ADGRL4: variants seen among roughly 807,000 people sequenced by gnomAD.
The protein encoded by ADGRL4 is EGF, latrophilin and seven transmembrane domain containing 1.
ADGRL4 carries 90 observed loss-of-function variants against 74.8 expected under a neutral mutation model. That is an observed-to-expected ratio of 1.20 (90% CI 1.02 to 1.43). The LOEUF (loss-of-function observed/expected upper bound fraction) is 1.43. Among genes scored for constraint, ADGRL4 ranks in the 40% most tolerant of loss-of-function variants. ADGRL4 has a pLI of 0.00. For synonymous variants in ADGRL4, 311 were observed against 279.2 expected (o/e 1.11, Z -1.14); for missense variants, 881 against 814.3 (o/e 1.08, Z -1.00).
chr1:78,910,857 G>A (rs1455700745), intron 12 of ADGRL4, among the ~76,000 whole-genome samples: 1 of 151,676 alleles, frequency 6.6e-6, no homozygotes, highest in Non-Finnish European at 1.5e-5. Flanking sequence ...AATCAATGAG[G>A]TCACTGGTTC....
chr1:78,957,750 A>G (rs1484354197), intron 2 of ADGRL4, among the ~76,000 whole-genome samples: 1 of 152,356 alleles, frequency 6.6e-6, no homozygotes, highest in East Asian at 1.9e-4. Context: ...AATCTGGCTA[A>G]GATAATTGTT....
intron 2 of ADGRL4, among the ~76,000 whole-genome samples, chr1:78,987,470 A>T (rs1650521261): frequency 6.6e-6 from 1 of 151,798 alleles, no homozygotes; most frequent in South Asian, 2.1e-4. Flanking sequence ...CAGGATAAAA[A>T]AATTACCACC....
rs557025634 is a variant in ADGRL4 at position 79,005,911 on chromosome 1, A to G, written c.23-692T>C. Reference sequence around the variant, plus strand: ...CAAAGATTGATCTTCCAGAAATGGAACAGCACACAAATGTGAACAAAAAAA... The same window carrying G: ...CAAAGATTGATCTTCCAGAAATGGAGCAGCACACAAATGTGAACAAAAAAA... On this transcript the variant is annotated intron_variant, in intron 1 of 14. Transcript: ENST00000370742. 5.3e-5 allele frequency among the ~76,000 whole-genome samples: 8 copies of G among 152,204 alleles called. 2 individuals are homozygous for G. The highest frequency in any genetic ancestry group is 1.9e-4 in the African/African-American group (8 of 41,584).
intron 12 of ADGRL4, 130 bp from the exon 13 acceptor site, chr1:78,893,319 A>G: frequency 1.6e-6 from 1 of 642,764 alleles, no homozygotes; most frequent in Non-Finnish European, 2.6e-6. Context: ...GTTCTTTACA[A>G]TATCACTGAA....
At chr1:78,920,772 G>T (rs1055290203) in intron 9 of ADGRL4, among the ~76,000 whole-genome samples, 9 of 151,834 alleles carry the variant, frequency 5.9e-5, no homozygotes, top group African/African-American at 9.7e-5. Flanking sequence ...TTATGTCTAT[G>T]CAGTGATTCA....
intron 12 of ADGRL4, among the ~76,000 whole-genome samples, chr1:78,895,930 G>T (rs1297590593): frequency 6.6e-6 from 1 of 152,086 alleles, no homozygotes; most frequent in African/African-American, 2.4e-5. Context: ...CCAGGTAGTT[G>T]TTTACATAGT....
At chr1:78,987,430 G>T (rs915789464) in intron 2 of ADGRL4, among the ~76,000 whole-genome samples, 3 of 151,576 alleles carry the variant, frequency 2.0e-5, no homozygotes, top group Non-Finnish European at 4.4e-5. Flanking sequence ...TATATACATT[G>T]GATGTACAGT....
At chr1:78,947,238 T>C (rs1173790994) in intron 2 of ADGRL4, among the ~76,000 whole-genome samples, 1 of 152,164 alleles carries the variant, frequency 6.6e-6, no homozygotes, top group Non-Finnish European at 1.5e-5. Context: ...AATGTGACAT[T>C]GTTTGAAATA....
At position 78,921,670 on chromosome 1, in the gene ADGRL4, T is replaced by A. The variant is rs1289961983; in HGVS notation, c.1200A>T (p.Ser400=). Residue 400 remains serine, a synonymous_variant, in exon 9 of 15, where the codon TCA becomes TCT. Transcript: ENST00000370742. The part of the protein sequence containing the change: ...ELTYSNETHT[S]CRCNHLTHFA... ...AATGTGTCAGGTGATTACAGCGGCATGAGGTGTGGGTCTCATTTGAGTATG... is the reference window on the plus strand; with the variant it reads ...AATGTGTCAGGTGATTACAGCGGCAAGAGGTGTGGGTCTCATTTGAGTATG... The A allele has an allele frequency of 6.3e-7, 1 of 1,598,960 alleles. No homozygotes were observed. Among genetic ancestry groups the A allele is most frequent in the Non-Finnish European group, 8.5e-7 (1 of 1,172,810 alleles).
At chr1:78,953,400 T>C (rs542904674) in intron 2 of ADGRL4, among the ~76,000 whole-genome samples, 1 of 152,264 alleles carries the variant, frequency 6.6e-6, no homozygotes, top group South Asian at 2.1e-4. Context: ...AGAAAAATCT[T>C]ACAAGCTCTC....
At chr1:78,922,465 C>T (rs994475502) in intron 8 of ADGRL4, among the ~76,000 whole-genome samples, 1 of 151,954 alleles carries the variant, frequency 6.6e-6, no homozygotes, top group Non-Finnish European at 1.5e-5. Context: ...AGATCAGATA[C>T]AGACATGGGA....
intron 2 of ADGRL4, among the ~76,000 whole-genome samples, chr1:78,974,538 A>G (rs1445485888): frequency 6.6e-6 from 1 of 152,194 alleles, no homozygotes; most frequent in Non-Finnish European, 1.5e-5. Flanking sequence ...ATAATGAAAT[A>G]CCACAAATTT....
chr1:78,927,348 GA>G (rs1370761640), intron 7 of ADGRL4, among the ~76,000 whole-genome samples: 2 of 152,012 alleles, frequency 1.3e-5, no homozygotes, highest in Non-Finnish European at 2.9e-5. Flanking sequence ...ATCTTTAGAA[GA>G]AAAATAGTCC....
At chr1:78,952,926 A>G (rs746877900) in intron 2 of ADGRL4, among the ~76,000 whole-genome samples, 20 of 152,060 alleles carry the variant, frequency 1.3e-4, no homozygotes, top group Non-Finnish European at 2.6e-4. Flanking sequence ...AACAAACAAT[A>G]CTTGTATAGA....
chr1:78,913,855 T>A (rs566887183), intron 12 of ADGRL4, among the ~76,000 whole-genome samples: 1 of 151,898 alleles, frequency 6.6e-6, no homozygotes, highest in African/African-American at 2.4e-5. Flanking sequence ...CTAAGCATCC[T>A]AGTGAGGGAT....
intron 7 of ADGRL4, among the ~76,000 whole-genome samples, chr1:78,928,522 C>A (rs1286681962): frequency 1.3e-5 from 2 of 151,262 alleles, no homozygotes; most frequent in Admixed American, 6.6e-5. Context: ...AATCATCATC[C>A]ATTCTTCCTA....
At chr1:78,935,004 A>G (rs13374295) in intron 7 of ADGRL4, among the ~76,000 whole-genome samples, 72,267 of 151,872 alleles carry the variant, frequency 0.48, 17,757 homozygotes, top group Middle Eastern at 0.55. Flanking sequence ...TGATTCCTCA[A>G]GGATCTAGAA....
In ADGRL4 at chr1:78,921,784, G is replaced by A; in HGVS notation, c.1086C>T (p.Val362=). ...KITFTLSHRK[V]TDRYRSLCAF... is the part of the protein sequence containing the mutation. The stretch of plus-strand genomic sequence containing the variant: ...CACATAGACTCCTATACCTATCTGT[G>A]ACCTGAAAAAAAGATACTTTACTGA... Residue 362 remains valine (V), a splice_region_variant and synonymous_variant, in exon 9 of 15, where the codon GTC becomes GTT. Transcript: ENST00000370742. 1 of 1,468,042 alleles carries A rather than the reference G, an allele frequency of 6.8e-7. No individual in the cohort carries two copies. Among genetic ancestry groups the A allele is most frequent in the Non-Finnish European group, 9.0e-7 (1 of 1,105,134 alleles). The allele number at this position is 1,468,042 out of a possible 1,614,324, so 90.9% of individuals were successfully genotyped here.
intron 2 of ADGRL4, among the ~76,000 whole-genome samples, chr1:78,978,760 G>T (rs1650342753): frequency 6.6e-6 from 1 of 151,930 alleles, no homozygotes. Flanking sequence ...TCTTTCACCA[G>T]TTAGAAGATT....
Sources: allele counts gnomAD v4.1 joint callset (sites outside exome capture counted in the v4.1 genomes callset), GRCh38; gene constraint gnomAD v4.1.1; transcripts MANE v1.5; gene names NCBI Gene and HGNC (gene_info 2026-07-23, HGNC 2026-07-21).